SUFU: variants seen among roughly 807,000 people sequenced by gnomAD.
The protein encoded by SUFU is suppressor of fused homolog.
In SUFU, 7 loss-of-function variants were observed where a neutral mutation model predicts 58.9. The observed-to-expected ratio is 0.12, with a 90% CI of 0.07 to 0.22. The LOEUF (loss-of-function observed/expected upper bound fraction) is 0.22. Among genes scored for constraint, SUFU ranks in the 10% least tolerant of loss-of-function variants. The pLI is 1.00. For synonymous variants in SUFU, 232 were observed against 254.8 expected, an observed-to-expected ratio of 0.91 and a Z score of 0.85; for missense variants, 451 against 641.3, an observed-to-expected ratio of 0.70 and a Z score of 3.20.
chr10:102,514,824 A>T (rs753746630), intron 2 of SUFU, among the ~76,000 whole-genome samples: 1 of 152,206 alleles, frequency 6.6e-6, no homozygotes, highest in Non-Finnish European at 1.5e-5. Flanking sequence ...GACAGAGCCT[A>T]TGGGGCCCTA....
At chr10:102,565,702 G>T (rs1039476077) in intron 3 of SUFU, among the ~76,000 whole-genome samples, 1 of 152,088 alleles carries the variant, frequency 6.6e-6, no homozygotes, top group Admixed American at 6.5e-5. Flanking sequence ...CCGCCACCAC[G>T]CACGGCTAAT....
At chr10:102,544,866 C>T (rs1474922997) in intron 2 of SUFU, among the ~76,000 whole-genome samples, 2 of 152,154 alleles carry the variant, frequency 1.3e-5, no homozygotes, top group Non-Finnish European at 2.9e-5. Context: ...TAGAATCATA[C>T]AATAGGTAGT....
intron 2 of SUFU, among the ~76,000 whole-genome samples, chr10:102,524,136 A>G (rs1283386487): frequency 3.9e-5 from 6 of 152,076 alleles, no homozygotes; most frequent in African/African-American, 1.4e-4. Flanking sequence ...CCCACAAAGC[A>G]GTATCCCCCT....
intron 8 of SUFU, among the ~76,000 whole-genome samples, chr10:102,609,109 C>T (rs2063594354): frequency 1.3e-5 from 2 of 152,182 alleles, no homozygotes; most frequent in South Asian, 4.1e-4. Context: ...GGTTTTATCT[C>T]AGCTCTTTAC....
chr10:102,601,854 G>A (rs1002633485), intron 8 of SUFU, among the ~76,000 whole-genome samples: 2 of 152,170 alleles, frequency 1.3e-5, no homozygotes, highest in African/African-American at 4.8e-5. Context: ...CCTGTTGGGG[G>A]GCAGCCAGCG....
In SUFU at chr10:102,619,186, G is replaced by T; in HGVS notation, c.1296+1758G>T. The T allele has an allele frequency of 6.2e-7, 1 of 1,605,232 alleles. No homozygotes were observed. Among genetic ancestry groups the T allele is most frequent in the African/African-American group, 1.3e-5 (1 of 74,910 alleles). On this transcript the variant is annotated intron_variant, in intron 10 of 11. Coordinates refer to ENST00000369902, the MANE Select transcript of SUFU (RefSeq NM_016169.4). This position sits in a 1 kb window ranked among gnomAD's most constrained non-coding sequence, Gnocchi z 4.2. ...AGAACCTTGGCCCCCACAGGACTTC[G>T]CAGATGTCACATTGCCCCTCAGTCC...
intron 2 of SUFU, among the ~76,000 whole-genome samples, chr10:102,548,710 C>T (rs948362923): frequency 6.6e-6 from 1 of 152,170 alleles, no homozygotes; most frequent in South Asian, 2.1e-4. Flanking sequence ...GGAGGTGTGG[C>T]ACCCCACCAG....
At chr10:102,566,942 CAA>C (rs567137519) in intron 3 of SUFU, among the ~76,000 whole-genome samples, 7 of 74,108 alleles carry the variant, frequency 9.4e-5, no homozygotes, top group Non-Finnish European at 7.5e-5. Flanking sequence ...GACTCCATCT[CAA>C]AAAAAAAAAA....
At chr10:102,610,638 G>A (rs2063613434) in intron 8 of SUFU, among the ~76,000 whole-genome samples, 1 of 152,198 alleles carries the variant, frequency 6.6e-6, no homozygotes. Context: ...CCGTCAGCCT[G>A]TCTGCCTAGC....
intron 3 of SUFU, among the ~76,000 whole-genome samples, chr10:102,551,724 T>G (rs1439964555): frequency 1.5e-5 from 2 of 136,104 alleles, no homozygotes; most frequent in African/African-American, 5.4e-5. Flanking sequence ...CTTCTTTTTT[T>G]TTTTTTTTTT....
chr10:102,511,363 T>C lies in SUFU; in HGVS notation c.317+2060T>C, dbSNP rs531397161. On this transcript the variant is annotated intron_variant, in intron 2 of 11. Coordinates refer to ENST00000369902, the MANE Select transcript of SUFU (RefSeq NM_016169.4). ...CTTCTGGTTTTTGCCTTTTGTACTT[T>C]TTTGCCCCTTATACCATGTCTTTTC... 5.9e-5 allele frequency among the ~76,000 whole-genome samples: 9 copies of C among 152,304 alleles called. No homozygotes were observed. In the South Asian group the frequency reaches 1.7e-3, roughly 28 times the overall value.
intron 3 of SUFU, among the ~76,000 whole-genome samples, chr10:102,571,436 G>A (rs2063159256): frequency 1.3e-5 from 2 of 152,162 alleles, no homozygotes; most frequent in African/African-American, 2.4e-5. Context: ...AGGCTGAGGT[G>A]GGTGGATCAC....
chr10:102,518,585 C>T (rs1203612706), intron 2 of SUFU, among the ~76,000 whole-genome samples: 1 of 150,070 alleles, frequency 6.7e-6, no homozygotes, highest in Non-Finnish European at 1.5e-5. Flanking sequence ...CTGGCCCTCT[C>T]GCCCAGGCTG....
chr10:102,630,037 C>T (rs918201498), intron 11 of SUFU, 29 bp from the exon 12 acceptor site: 44 of 1,602,504 alleles, frequency 2.7e-5, no homozygotes, highest in Non-Finnish European at 3.4e-5. Flanking sequence ...ACCACTCACA[C>T]TCCTGGTCTG....
At position 102,629,347 on chromosome 10, in the gene SUFU, G is replaced by A. The variant is rs1590094173; in HGVS notation, c.1366-719G>A. ...GTGAATGGGAGAAACAGAACTGTAGGCAAATCAGTGTATCCTGGGATGGGG... is the reference window on the plus strand; with the variant it reads ...GTGAATGGGAGAAACAGAACTGTAGACAAATCAGTGTATCCTGGGATGGGG... On this transcript the variant is annotated intron_variant, in intron 11 of 11. Transcript: ENST00000369902. This position sits in a 1 kb window ranked among gnomAD's most constrained non-coding sequence, Gnocchi z 4.7. Among the ~76,000 whole-genome samples, 1 of 152,202 alleles carries A rather than the reference G, an allele frequency of 6.6e-6. No homozygotes were observed. The highest frequency in any genetic ancestry group is 1.5e-5 in the Non-Finnish European group (1 of 68,028).
Position 102,617,698 on chromosome 10 carries a change from T to C in SUFU, c.1296+270T>C. On this transcript the variant is annotated intron_variant, in intron 10 of 11. Transcript: ENST00000369902. The surrounding 1 kb of genome is among the most constrained non-coding windows in gnomAD (Gnocchi z 4.4). ...AGGCCCTGGCTCTTGGTAATTCTGG[T>C]TCCCCGTGGAAATCCAGGTTGGAGG... 1.7e-6 allele frequency: 1 copy of C among 602,644 alleles called. No homozygotes were observed. 37.3% of individuals were successfully genotyped at this position (602,644 alleles called of 1,614,324 possible). A position where few individuals can be genotyped will look rare whatever the true frequency, so the allele number is the denominator to read the frequency against.
At chr10:102,600,431 A>G (rs2135891519) in intron 8 of SUFU, among the ~76,000 whole-genome samples, 1 of 152,308 alleles carries the variant, frequency 6.6e-6, no homozygotes, top group Non-Finnish European at 1.5e-5. Context: ...TGGGGTGCAC[A>G]GGCTCTTCCT....
chr10:102,582,563 C>G (rs547697135), intron 3 of SUFU, among the ~76,000 whole-genome samples: 8 of 152,206 alleles, frequency 5.3e-5, no homozygotes, highest in South Asian at 2.1e-4. Flanking sequence ...TCAGCACCCC[C>G]CACGTTTTCA....
Position 102,560,968 on chromosome 10 carries a change from C to A in SUFU, c.454+10862C>A, listed in dbSNP as rs1044758609. ...CAGCGATTTTCCTGCCTCAGCCTCC[C>A]GAGTAGCTGGGATTATAGGCATGTG... On this transcript the variant is annotated intron_variant, in intron 3 of 11. Coordinates refer to ENST00000369902, the MANE Select transcript of SUFU (RefSeq NM_016169.4). 3.3e-5 allele frequency among the ~76,000 whole-genome samples: 5 copies of A among 152,114 alleles called. No individual in the cohort carries two copies. In the East Asian group the frequency reaches 9.7e-4, roughly 30 times the overall value.
Sources: gnomAD v4.1 joint callset for allele counts (sites outside exome capture counted in the v4.1 genomes callset) on GRCh38, gnomAD v4.1.1 for gene constraint, Gnocchi (gnomAD v3.1) non-coding constraint, MANE v1.5 for transcripts, NCBI Gene and HGNC (gene_info 2026-07-23, HGNC 2026-07-21) for gene names.